Variants in SNTG2 observed in about 807,000 individuals in gnomAD.
SNTG2 encodes the protein syntrophin gamma 2.
Under a neutral mutation model 70.9 loss-of-function variants are expected in SNTG2, and 74 were observed. The observed-to-expected ratio is 1.04, with a 90% CI of 0.86 to 1.27. The LOEUF is 1.27. SNTG2 is among the 50% of genes most tolerant of loss of function. The pLI is 0.00. For missense variants in SNTG2, 717 were observed against 690.7 expected, an observed-to-expected ratio of 1.04 and a Z score of -0.43; for synonymous variants, 278 against 273.8, an observed-to-expected ratio of 1.02 and a Z score of -0.15.
At chr2:1,186,809 A>G (rs1672280893) in intron 8 of SNTG2, among the ~76,000 whole-genome samples, 1 of 152,216 alleles carries the variant, frequency 6.6e-6, no homozygotes, top group Admixed American at 6.5e-5. Context: ...CACAAATCCA[A>G]ACCATATTAA....
At chr2:1,166,924 A>G (rs1468405425) in intron 7 of SNTG2, among the ~76,000 whole-genome samples, 3 of 152,136 alleles carry the variant, frequency 2.0e-5, no homozygotes, top group African/African-American at 7.2e-5. Context: ...ACGAGACTCC[A>G]GGAGAAAACC....
intron 1 of SNTG2, among the ~76,000 whole-genome samples, chr2:973,193 A>G (rs1037815239): frequency 2.6e-5 from 4 of 152,296 alleles, no homozygotes; most frequent in Admixed American, 6.5e-5. Flanking sequence ...CTGACATCAC[A>G]GTTCTTCCTG....
chr2:1,038,349 C>A (rs1661249547), intron 1 of SNTG2, among the ~76,000 whole-genome samples: 1 of 152,188 alleles, frequency 6.6e-6, no homozygotes, highest in East Asian at 1.9e-4. Flanking sequence ...TACTTTCAGA[C>A]TGGCAAAAAT....
intron 1 of SNTG2, among the ~76,000 whole-genome samples, chr2:1,082,167 A>AAACAAGCCC (rs1333569551): frequency 6.6e-6 from 1 of 152,152 alleles, no homozygotes; most frequent in Non-Finnish European, 1.5e-5. Context: ...TCCACTGTGG[A>AAACAAGCCC]AACAAGCCCA....
At chr2:991,217 C>G (rs188915204) in intron 1 of SNTG2, among the ~76,000 whole-genome samples, 1 of 152,100 alleles carries the variant, frequency 6.6e-6, no homozygotes, top group Non-Finnish European at 1.5e-5. Flanking sequence ...AGCTAGTTCT[C>G]CCTGAAAGTC....
intron 14 of SNTG2, among the ~76,000 whole-genome samples, chr2:1,284,989 A>T (rs1211071707): frequency 6.6e-6 from 1 of 151,640 alleles, no homozygotes; most frequent in South Asian, 2.1e-4. Context: ...ATATGTATAT[A>T]TGGGAGTTTA....
At chr2:1,035,935 C>T (rs1240881560) in intron 1 of SNTG2, among the ~76,000 whole-genome samples, 1 of 152,126 alleles carries the variant, frequency 6.6e-6, no homozygotes, top group African/African-American at 2.4e-5. Flanking sequence ...TAATTATTTT[C>T]CCTTCTTTAC....
At chr2:1,080,147 TAGTG>T (rs1664190665) in intron 1 of SNTG2, among the ~76,000 whole-genome samples, 1 of 150,552 alleles carries the variant, frequency 6.6e-6, no homozygotes, top group African/African-American at 2.5e-5. Flanking sequence ...AGCGATGGCT[TAGTG>T]AAAGTCTGCA....
At chr2:1,297,446 T>C (rs1168428462) in intron 14 of SNTG2, among the ~76,000 whole-genome samples, 1 of 152,230 alleles carries the variant, frequency 6.6e-6, no homozygotes, top group African/African-American at 2.4e-5. Flanking sequence ...TGTCCACCTG[T>C]CACTAATAAC....
At chr2:1,221,443 G>GTC (rs1361819655) in intron 9 of SNTG2, among the ~76,000 whole-genome samples, 3 of 91,670 alleles carry the variant, frequency 3.3e-5, no homozygotes, top group Admixed American at 1.0e-4. Flanking sequence ...CTCTGTCTCT[G>GTC]TCTCTGTCTC....
chr2:1,357,559 C>T (rs539295736), intron 16 of SNTG2, among the ~76,000 whole-genome samples: 74 of 152,246 alleles, frequency 4.9e-4, no homozygotes, highest in African/African-American at 1.8e-3. Context: ...GTTCTGTCCT[C>T]TTCAGTTTTT....
chr2:1,350,751 A>G (rs1660532829), intron 16 of SNTG2, among the ~76,000 whole-genome samples: 1 of 152,166 alleles, frequency 6.6e-6, no homozygotes, highest in African/African-American at 2.4e-5. Flanking sequence ...AAAAAGATAT[A>G]TGAAGTTTTT....
At chr2:1,074,943 TTTAA>T (rs1201677478) in intron 1 of SNTG2, among the ~76,000 whole-genome samples, 1 of 152,258 alleles carries the variant, frequency 6.6e-6, no homozygotes, top group African/African-American at 2.4e-5. Context: ...TGTAATCTAA[TTTAA>T]TTATTATTTC....
chr2:1,234,159 G>A (rs1338181815), intron 9 of SNTG2, among the ~76,000 whole-genome samples: 1 of 152,136 alleles, frequency 6.6e-6, no homozygotes, highest in East Asian at 1.9e-4. Flanking sequence ...CGTGAAACTC[G>A]GAGGAAACAA....
intron 2 of SNTG2, among the ~76,000 whole-genome samples, chr2:1,087,156 G>A (rs887931151): frequency 6.6e-6 from 1 of 152,186 alleles, no homozygotes; most frequent in African/African-American, 2.4e-5. Flanking sequence ...GGTTTAGATG[G>A]CCGACAGATA....
At chr2:1,190,801 T>C (rs1034055783) in intron 8 of SNTG2, among the ~76,000 whole-genome samples, 4 of 152,098 alleles carry the variant, frequency 2.6e-5, no homozygotes, top group Non-Finnish European at 5.9e-5. Context: ...CTGTAAGATA[T>C]CATATATCTA....
intron 1 of SNTG2, among the ~76,000 whole-genome samples, chr2:1,046,070 A>G (rs1021878060): frequency 3.3e-5 from 5 of 152,128 alleles, no homozygotes; most frequent in African/African-American, 9.7e-5. Context: ...GCATATATAC[A>G]TATTTAGGTG....
chr2:1,218,554 C>T (rs1357140920), intron 9 of SNTG2, among the ~76,000 whole-genome samples: 1 of 152,210 alleles, frequency 6.6e-6, no homozygotes, highest in Non-Finnish European at 1.5e-5. Context: ...GGCTCCTGCC[C>T]ATAGCATGTG....
rs960538458 is a variant in SNTG2, at chr2:1,272,445, G to A, written c.1284+4874G>A. On this transcript the variant is annotated intron_variant, in intron 14 of 16. Transcript: ENST00000308624. ...TGCTGTGAGGCCCAGTTCCTAACAG[G>A]CCACAGACTGGTACTGGTAAAAAAA... Among the ~76,000 whole-genome samples the A allele has an allele frequency of 3.3e-5, 3 of 90,978 alleles. No individual in the cohort carries two copies. The South Asian group carries it at 1.2e-3, about 38-fold the overall frequency. 59.7% of individuals were successfully genotyped at this position (90,978 alleles called of 152,430 possible).
Sources: gnomAD v4.1 joint callset for allele counts (sites outside exome capture counted in the v4.1 genomes callset) on GRCh38, gnomAD v4.1.1 for gene constraint, MANE v1.5 for transcripts, NCBI Gene and HGNC (gene_info 2026-07-23, HGNC 2026-07-21) for gene names.